The following ANKRD11 variants were observed in gnomAD, a reference collection of about 807,000 sequenced individuals.
The protein encoded by ANKRD11 is ankyrin repeat domain-containing protein 11.
ANKRD11 carries 17 observed loss-of-function variants against 195.7 expected under a neutral mutation model. That is an observed-to-expected ratio of 0.09 (90% CI 0.06 to 0.13). ANKRD11 has a LOEUF of 0.13. ANKRD11 is among the 10% of genes least tolerant of loss of function. The pLI, the probability that ANKRD11 is intolerant of heterozygous loss-of-function variation, is 1.00. For synonymous variants in ANKRD11, 1,953 were observed against 1,528.1 expected, an observed-to-expected ratio of 1.28 and a Z score of -6.49; for missense variants, 3,735 against 3,566.1, an observed-to-expected ratio of 1.05 and a Z score of -1.21.
intron 7 of ANKRD11, 61 bp downstream of exon 7, chr16:89,288,467 G>C: frequency 6.2e-7 from 1 of 1,612,636 alleles, no homozygotes; most frequent in South Asian, 1.1e-5. Context: ...GGGAAACAAA[G>C]CTACAGAACC....
chr16:89,368,636 C>A (rs1288788623), intron 2 of ANKRD11, among the ~76,000 whole-genome samples: 1 of 150,470 alleles, frequency 6.6e-6, no homozygotes, highest in Non-Finnish European at 1.5e-5. Context: ...GGCTGGGTGC[C>A]ATGGCTCACA....
At chr16:89,331,541 T>C (rs1031953327) in intron 2 of ANKRD11, among the ~76,000 whole-genome samples, 1 of 152,204 alleles carries the variant, frequency 6.6e-6, no homozygotes, top group African/African-American at 2.4e-5. Flanking sequence ...ATGGCACATT[T>C]AGGAAAGAGC....
At chr16:89,449,188 A>C (rs781523778) in intron 1 of ANKRD11, among the ~76,000 whole-genome samples, 38 of 94,918 alleles carry the variant, frequency 4.0e-4, no homozygotes, top group African/African-American at 1.4e-3. Flanking sequence ...CAGTCTCTAC[A>C]AAAAAAAAAA....
At chr16:89,341,107 T>C (rs148098963) in intron 2 of ANKRD11, among the ~76,000 whole-genome samples, 26 of 152,298 alleles carry the variant, frequency 1.7e-4, no homozygotes, top group African/African-American at 5.8e-4. Context: ...ATGTGGACTG[T>C]TTATATGCAA....
At position 89,279,266 on chromosome 16, in the gene ANKRD11, C is replaced by T. The variant is rs755232209; in HGVS notation, c.7276G>A (p.Ala2426Thr). The T allele has an allele frequency of 4.3e-6, 7 of 1,611,844 alleles. No homozygotes were observed. The highest frequency in any genetic ancestry group is 2.2e-5 in the South Asian group (2 of 90,938). Residue 2426 changes from alanine to threonine, a missense_variant, in exon 9 of 13, where the codon GCC (alanine) becomes ACC (threonine). Transcript: ENST00000301030. This position sits in a 1 kb window ranked among gnomAD's most constrained non-coding sequence, Gnocchi z 5.6. ...AAIVDAIKLD[A>T]IEPYHSDRAN... ...CTGTCGCTGTGGTAGGGCTCGATGG[C>T]ATCCAGCTTGATGGCGTCCACGATG...
intron 2 of ANKRD11, among the ~76,000 whole-genome samples, chr16:89,337,178 C>T (rs180709499): frequency 1.3e-5 from 2 of 151,900 alleles, no homozygotes; most frequent in Admixed American, 1.3e-4. Flanking sequence ...AGAGTGAGAC[C>T]CTGTCTCAAA....
chr16:89,346,072 T>TC lies in ANKRD11; in HGVS notation c.-59-28995dup, dbSNP rs1480676977. Among the ~76,000 whole-genome samples, 37 of 150,442 alleles carry TC rather than the reference T, an allele frequency of 2.5e-4. 3 individuals carry two copies. In the East Asian group the frequency reaches 7.2e-3, roughly 29 times the overall value. On this transcript the variant is annotated intron_variant, in intron 2 of 12. Transcript: ENST00000301030. ...GGCTGGCCAACATGGAATGACCCTG[T>TC]CTCCACTAACAACACAAAAAAAAAA...
In ANKRD11 at chr16:89,472,728, T is replaced by A. The variant is rs564579453; in HGVS notation, c.-145+17517A>T. On this transcript the variant is annotated intron_variant, in intron 1 of 12. Coordinates refer to ENST00000301030, the MANE Select transcript of ANKRD11 (RefSeq NM_013275.6). ...GCCCTAAGTGTGCCAAGCCTTTTAT[T>A]TGAGGATCCAATGAATATCACTTAG... is the stretch of plus-strand genomic sequence containing the variant. Among the ~76,000 whole-genome samples, 64 of 152,296 alleles carry A rather than the reference T, an allele frequency of 4.2e-4. 1 individual carries two copies. The highest frequency in any genetic ancestry group is 1.5e-3 in the African/African-American group (62 of 41,558).
intron 1 of ANKRD11, among the ~76,000 whole-genome samples, chr16:89,464,262 G>GGT (rs1567841807): frequency 6.7e-6 from 1 of 149,762 alleles, no homozygotes; most frequent in Non-Finnish European, 1.5e-5. Flanking sequence ...AGATCACAAT[G>GGT]GTGGAATCTA....
chr16:89,466,302 T>C (rs1013163821), intron 1 of ANKRD11, among the ~76,000 whole-genome samples: 1 of 151,180 alleles, frequency 6.6e-6, no homozygotes, highest in Non-Finnish European at 1.5e-5. Flanking sequence ...AATAGGCAAA[T>C]CCAGAGAGAT....
At chr16:89,275,910 G>A (rs1334409774) in intron 9 of ANKRD11, among the ~76,000 whole-genome samples, 2 of 152,202 alleles carry the variant, frequency 1.3e-5, no homozygotes, top group Non-Finnish European at 2.9e-5. Flanking sequence ...GAGCCAGGCT[G>A]AGCCCCGCAG....
intron 2 of ANKRD11, among the ~76,000 whole-genome samples, chr16:89,368,850 T>C (rs11861925): frequency 0.029 from 4,429 of 152,252 alleles, 142 homozygotes; most frequent in African/African-American, 0.074. Context: ...CAGTGAGTCC[T>C]GACCAAGCCA....
chr16:89,307,577 G>A (rs2036362576), intron 3 of ANKRD11, among the ~76,000 whole-genome samples: 2 of 152,098 alleles, frequency 1.3e-5, no homozygotes, highest in Admixed American at 1.3e-4. Flanking sequence ...CCCCAGCAGT[G>A]CAGGTCCCTC....
At chr16:89,428,672 G>A (rs138633577) in intron 1 of ANKRD11, among the ~76,000 whole-genome samples, 2,820 of 151,852 alleles carry the variant, frequency 0.019, 90 homozygotes, top group African/African-American at 0.065. Flanking sequence ...GAAGTGGATG[G>A]ATCACGAAGT....
rs1356190784 is a variant in ANKRD11 at position 89,281,194 on chromosome 16, A to G, written c.5348T>C (p.Leu1783Pro). ...GACCGAGCGGTAAAGGTTTGTGGAGAGAGGCCTGGCAGGAGCCTGGCTGGC... is the reference window on the plus strand; with the variant it reads ...GACCGAGCGGTAAAGGTTTGTGGAGGGAGGCCTGGCAGGAGCCTGGCTGGC... ...ENASQAPARPLSTNLYRSVSV... is the reference protein window; with the variant it reads ...ENASQAPARPPSTNLYRSVSV... Residue 1783 changes from leucine to proline, a missense_variant, in exon 9 of 13, where the codon CTC becomes CCC. By Grantham distance (98) the Leu-to-Pro change is moderately conservative. Transcript: ENST00000301030. The surrounding 1 kb of genome is among the most constrained non-coding windows in gnomAD (Gnocchi z 5.5). 1 of 1,614,118 alleles carries G rather than the reference A, an allele frequency of 6.2e-7. No individual in the cohort carries two copies. The highest frequency in any genetic ancestry group is 8.5e-7 in the Non-Finnish European group (1 of 1,180,018).
chr16:89,284,719 T>C lies in ANKRD11; in HGVS notation c.1823A>G (p.Lys608Arg), dbSNP rs1259617022. ...CTCCGCGCTGGACAGGAAGGGGCTC[T>C]TCTTCTCCGACAGGGAGGCTCGCTT... is the stretch of plus-strand genomic sequence containing the variant. ...HRKRASLSEK[K>R]SPFLSSAEGA... Residue 608 changes from lysine (K) to arginine (R), a missense_variant, in exon 9 of 13, where the codon AAG becomes AGG. Physicochemically the swap from Lys to Arg is conservative, Grantham distance 26 (BLOSUM62 2). Coordinates refer to ENST00000301030, the MANE Select transcript of ANKRD11 (RefSeq NM_013275.6). 2 of 1,613,710 alleles carry C rather than the reference T, an allele frequency of 1.2e-6. No homozygotes were observed. Among genetic ancestry groups the C allele is most frequent in the Non-Finnish European group, 1.7e-6 (2 of 1,179,846 alleles).
At chr16:89,312,729 A>G (rs1484503243) in intron 3 of ANKRD11, among the ~76,000 whole-genome samples, 1 of 152,166 alleles carries the variant, frequency 6.6e-6, no homozygotes, top group East Asian at 1.9e-4. Context: ...CTCCTCCCGA[A>G]GCATGCGGGG....
intron 2 of ANKRD11, among the ~76,000 whole-genome samples, chr16:89,395,105 C>G (rs1462474640): frequency 6.6e-6 from 1 of 152,194 alleles, no homozygotes; most frequent in Non-Finnish European, 1.5e-5. Context: ...GGCTGAAGCA[C>G]AGGACAAGAT....
intron 3 of ANKRD11, among the ~76,000 whole-genome samples, chr16:89,313,844 C>G (rs2036767795): frequency 6.6e-6 from 1 of 152,204 alleles, no homozygotes; most frequent in Non-Finnish European, 1.5e-5. Context: ...CTCCACCAGG[C>G]CTGAGAGCTC....
Sources: allele counts gnomAD v4.1 joint callset (sites outside exome capture counted in the v4.1 genomes callset), GRCh38; gene constraint gnomAD v4.1.1; non-coding constraint Gnocchi (gnomAD v3.1); transcripts MANE v1.5; gene names NCBI Gene and HGNC (gene_info 2026-07-23, HGNC 2026-07-21).